The following PROSER2 variants were observed in gnomAD, a reference collection of about 807,000 sequenced individuals.
The protein encoded by PROSER2 is proline and serine-rich protein 2.
PROSER2 carries 18 observed loss-of-function variants against 14.6 expected under a neutral mutation model. The observed-to-expected ratio is 1.23, with a 90% confidence interval of 0.85 to 1.83. The LOEUF is 1.83. Among genes scored for constraint, PROSER2 ranks in the 40% most tolerant of loss-of-function variants. The probability of loss-of-function intolerance (pLI) is 0.00; values close to 1 mark genes in which losing one functional copy is unlikely to be tolerated. For synonymous variants in PROSER2, 367 were observed against 286.4 expected, an observed-to-expected ratio of 1.28 and a Z score of -2.84; for missense variants, 823 against 629.8, an observed-to-expected ratio of 1.31 and a Z score of -3.28.
chr10:11,827,924 C>T (rs187848195), intron 1 of PROSER2, among the ~76,000 whole-genome samples: 8 of 152,110 alleles, frequency 5.3e-5, no homozygotes, highest in Non-Finnish European at 1.2e-4. Flanking sequence ...GCAGTCCCCC[C>T]ACCTTAGCCC....
chr10:11,862,443 C>T lies in PROSER2; in HGVS notation c.139-4088C>T, dbSNP rs1409740267. Among the ~76,000 whole-genome samples the T allele has an allele frequency of 1.3e-5, 2 of 152,206 alleles. No individual in the cohort carries two copies. Among genetic ancestry groups the T allele is most frequent in the Non-Finnish European group, 2.9e-5 (2 of 68,042 alleles). On this transcript the variant is annotated intron_variant, in intron 2 of 3. Transcript: ENST00000277570. The surrounding 1 kb of genome is among the most constrained non-coding windows in gnomAD (Gnocchi z 4.2). The stretch of plus-strand genomic sequence containing the variant: ...ACAGTGGCTCATGCCTACAATAACA[C>T]CACTTTGGGAAGCTGAGGCCAGAGG...
In PROSER2 at chr10:11,847,154, A is replaced by AATAAATATAT. The variant is rs1197050251; in HGVS notation, c.-81-4840_-81-4839insAATATATATA. Among the ~76,000 whole-genome samples the AATAAATATAT allele has an allele frequency of 8.6e-3, 761 of 88,160 alleles. 2 individuals carry two copies. The highest frequency in any genetic ancestry group is 0.016 in the African/African-American group (412 of 26,120). The allele number at this position is 88,160 out of a possible 152,430, so 57.8% of individuals were successfully genotyped here. On this transcript the variant is annotated intron_variant, in intron 1 of 3. Coordinates refer to ENST00000277570, the MANE Select transcript of PROSER2 (RefSeq NM_153256.4). ...AAGAAAAAAAAGAAAAACATAAATAAATATATATATATATATATATATATA... is the reference window on the plus strand; with the variant it reads ...AAGAAAAAAAAGAAAAACATAAATAAATAAATATATATATATATATATATATATATATATA...
rs115569173 is a variant in PROSER2 at position 11,832,158 on chromosome 10, C to T, written c.-82+8688C>T. ...TCCCAGTTTGGAGGAAAAGCAGAATCATAGGAAAAGGGTGCTAAACCGTGA... is the reference window on the plus strand; with the variant it reads ...TCCCAGTTTGGAGGAAAAGCAGAATTATAGGAAAAGGGTGCTAAACCGTGA... On this transcript the variant is annotated intron_variant, in intron 1 of 3. Transcript: ENST00000277570. Among the ~76,000 whole-genome samples, 835 of 152,250 alleles carry T rather than the reference C, an allele frequency of 5.5e-3. 11 individuals are homozygous for T. Among genetic ancestry groups the T allele is most frequent in the African/African-American group, 0.019 (806 of 41,540 alleles).
chr10:11,851,996 G>A lies in PROSER2; in HGVS notation c.-81-1G>A. ...TTGTCATTCGTGTTTGGTGTCTCTA[G>A]GAGTGAGCTGTTGCCGCAGAATGGG... On this transcript the variant is annotated splice_acceptor_variant, in intron 1 of 3. Coordinates refer to ENST00000277570, the MANE Select transcript of PROSER2 (RefSeq NM_153256.4). LOFTEE classifies it low-confidence loss of function (5UTR_SPLICE). 6.8e-7 allele frequency: 1 copy of A among 1,471,052 alleles called. No homozygotes were observed. Among genetic ancestry groups the A allele is most frequent in the South Asian group, 1.4e-5 (1 of 72,442 alleles). 91.1% of individuals were successfully genotyped at this position (1,471,052 alleles called of 1,614,324 possible).
At chr10:11,852,600 A>C (rs190373073) in intron 2 of PROSER2, among the ~76,000 whole-genome samples, 1 of 150,718 alleles carries the variant, frequency 6.6e-6, no homozygotes, top group Non-Finnish European at 1.5e-5. Context: ...GCTCACTGCA[A>C]CCTCCGCCTC....
At chr10:11,863,204 A>G (rs1834276870) in intron 2 of PROSER2, among the ~76,000 whole-genome samples, 1 of 152,190 alleles carries the variant, frequency 6.6e-6, no homozygotes, top group Non-Finnish European at 1.5e-5. Context: ...TCCCCAAAAC[A>G]ACAGTGTACT....
Position 11,859,008 on chromosome 10 carries a change from CAAAAAAAAA to C in PROSER2, c.138+6809_138+6817del, listed in dbSNP as rs750181845. The stretch of plus-strand genomic sequence containing the variant: ...TGGGCAACAAAGCGAGACTCTGTCT[CAAAAAAAAA>C]AAAAAAAAAAAAAAAGGAGAGATGG... On this transcript the variant is annotated intron_variant, in intron 2 of 3. Transcript: ENST00000277570. Among the ~76,000 whole-genome samples, 7 of 61,164 alleles carry C rather than the reference CAAAAAAAAA, an allele frequency of 1.1e-4. No individual in the cohort carries two copies. The South Asian group carries it at 3.2e-3, about 28-fold the overall frequency. The allele number at this position is 61,164 out of a possible 152,430, so 40.1% of individuals were successfully genotyped here. A position where few individuals can be genotyped will look rare whatever the true frequency, so the allele number is the denominator to read the frequency against.
At chr10:11,826,656 C>A (rs1318547024) in intron 1 of PROSER2, among the ~76,000 whole-genome samples, 2 of 152,184 alleles carry the variant, frequency 1.3e-5, no homozygotes, top group African/African-American at 4.8e-5. Flanking sequence ...TGGCTCACTG[C>A]AAGCTCTGCC....
chr10:11,859,916 C>A (rs1006373533), intron 2 of PROSER2, among the ~76,000 whole-genome samples: 1 of 152,256 alleles, frequency 6.6e-6, no homozygotes, highest in African/African-American at 2.4e-5. Context: ...CCTGCTCCCC[C>A]AGGCCATCTC....
chr10:11,850,581 A>T (rs1378382730), intron 1 of PROSER2: 1 of 152,170 alleles, frequency 6.6e-6, no homozygotes, highest in Non-Finnish European at 1.5e-5. Context: ...TACTATTTGG[A>T]ATAGTGGCAA....
chr10:11,843,411 G>A (rs1346546431), intron 1 of PROSER2, among the ~76,000 whole-genome samples: 3 of 151,058 alleles, frequency 2.0e-5, no homozygotes, highest in Admixed American at 6.6e-5. Context: ...AAAAAGGCCG[G>A]GTGCGGTGGC....
chr10:11,862,982 C>G lies in PROSER2; in HGVS notation c.139-3549C>G, dbSNP rs567918737. On this transcript the variant is annotated intron_variant, in intron 2 of 3. Coordinates refer to ENST00000277570, the MANE Select transcript of PROSER2 (RefSeq NM_153256.4). The surrounding 1 kb of genome is among the most constrained non-coding windows in gnomAD (Gnocchi z 4.2). ...CAACCACTTCGGAAAGCTGTGTCCA[C>G]CCACCCAAGCAGACACACATCTTCA... The G allele has an allele frequency of 6.6e-6, 1 of 152,316 alleles. No individual in the cohort carries two copies. The highest frequency in any genetic ancestry group is 6.5e-5 in the Admixed American group (1 of 15,290). The allele number at this position is 152,316 out of a possible 1,614,324, so 9.4% of individuals were successfully genotyped here.
intron 1 of PROSER2, among the ~76,000 whole-genome samples, chr10:11,844,746 C>G (rs60062825): frequency 0.18 from 27,723 of 152,186 alleles, 2,843 homozygotes; most frequent in Middle Eastern, 0.29. Context: ...CCTAGTCTCT[C>G]GAGTAGCTGG....
rs72766402 is a variant in PROSER2 at position 11,829,727 on chromosome 10, G to T, written c.-82+6257G>T. ...ACACCAGGTAACCAATGAATTTGTT[G>T]CATGAGCTCCTGCTAATGCCAGCAG... On this transcript the variant is annotated intron_variant, in intron 1 of 3. Coordinates refer to ENST00000277570, the MANE Select transcript of PROSER2 (RefSeq NM_153256.4). Among the ~76,000 whole-genome samples the T allele has an allele frequency of 2.7e-3, 409 of 151,946 alleles. 1 individual carries two copies. The highest frequency in any genetic ancestry group is 3.6e-3 in the Non-Finnish European group (247 of 67,982).
At chr10:11,851,951 C>T in intron 1 of PROSER2, 46 bp from the exon 2 acceptor site, 1 of 979,000 alleles carries the variant, frequency 1.0e-6, no homozygotes. Flanking sequence ...AGGCGTTTTA[C>T]AGTCTCGGCT....
In PROSER2 at chr10:11,830,483, A is replaced by G. The variant is rs1313357794; in HGVS notation, c.-82+7013A>G. Among the ~76,000 whole-genome samples the G allele has an allele frequency of 6.6e-6, 1 of 152,198 alleles. No individual in the cohort carries two copies. The highest frequency in any genetic ancestry group is 6.5e-5 in the Admixed American group (1 of 15,282). On this transcript the variant is annotated intron_variant, in intron 1 of 3. Coordinates refer to ENST00000277570, the MANE Select transcript of PROSER2 (RefSeq NM_153256.4). The surrounding 1 kb of genome is among the most constrained non-coding windows in gnomAD (Gnocchi z 4.5). ...CGGTTACTGTGAACAGCGCCGCGGT[A>G]AAGATGCAAGTGCAGGTGTCTTTTG...
intron 1 of PROSER2, among the ~76,000 whole-genome samples, chr10:11,845,622 G>GGGC (rs1833912479): frequency 6.6e-6 from 1 of 152,164 alleles, no homozygotes; most frequent in Non-Finnish European, 1.5e-5. Context: ...GCAACACTCG[G>GGGC]TAGCTGTTAG....
chr10:11,826,439 T>C (rs1833614148), intron 1 of PROSER2, among the ~76,000 whole-genome samples: 1 of 152,262 alleles, frequency 6.6e-6, no homozygotes, highest in African/African-American at 2.4e-5. Flanking sequence ...ATTAACTTGC[T>C]GAGGAGCTGC....
At chr10:11,844,223 C>A (rs140258362) in intron 1 of PROSER2, among the ~76,000 whole-genome samples, 1 of 152,100 alleles carries the variant, frequency 6.6e-6, no homozygotes, top group African/African-American at 2.4e-5. Context: ...AACTCCCAAC[C>A]TCAAGAAATG....
Sources: gnomAD v4.1 joint callset for allele counts (sites outside exome capture counted in the v4.1 genomes callset) on GRCh38, gnomAD v4.1.1 for gene constraint, Gnocchi (gnomAD v3.1) non-coding constraint, MANE v1.5 for transcripts, NCBI Gene and HGNC (gene_info 2026-07-23, HGNC 2026-07-21) for gene names.